The following NIPBL variants were observed in gnomAD, a reference collection of about 807,000 sequenced individuals.
NIPBL encodes the protein NIPBL cohesin loading factor, also known as nipped-B-like protein.
In NIPBL, 19 loss-of-function variants were observed where a neutral mutation model predicts 321.8. The ratio of observed to expected loss-of-function variants is 0.06; its 90% CI spans 0.04 to 0.09. NIPBL has a LOEUF of 0.09. Among genes scored for constraint, NIPBL ranks in the 10% least tolerant of loss-of-function variants. The pLI, the probability that NIPBL is intolerant of heterozygous loss-of-function variation, is 1.00. For synonymous variants in NIPBL, 1,106 were observed against 1,114.1 expected (o/e 0.99, Z 0.14); for missense variants, 2,210 against 3,327.0 (o/e 0.66, Z 8.26).
intron 42 of NIPBL, among the ~76,000 whole-genome samples, chr5:37,055,147 G>A (rs140357973): frequency 0.013 from 1,915 of 152,156 alleles, 49 homozygotes; most frequent in African/African-American, 0.045. Flanking sequence ...TCAGGAGTTC[G>A]AGAACAGCCT....
intron 11 of NIPBL, 103 bp from the exon 12 acceptor site, chr5:37,000,270 A>G: frequency 3.7e-6 from 4 of 1,093,116 alleles, no homozygotes; most frequent in Non-Finnish European, 4.0e-6. Context: ...CCTAGACCCT[A>G]TGGAATGAAG....
rs1046531046 is a variant in NIPBL, at chr5:37,066,209, T to A, written c.*1317T>A. On this transcript the variant is annotated 3_prime_UTR_variant, in exon 47 of 47. Coordinates refer to ENST00000282516, the MANE Select transcript of NIPBL (RefSeq NM_133433.4). ...GTTGACACTCAGGAATAGTAATGCC[T>A]AAAATTTACAGTGGATGAGGTCTGT... The A allele has an allele frequency of 2.0e-5, 3 of 152,196 alleles. No homozygotes were observed. Among genetic ancestry groups the A allele is most frequent in the African/African-American group, 7.2e-5 (3 of 41,468 alleles). 9.4% of individuals were successfully genotyped at this position (152,196 alleles called of 1,614,324 possible).
chr5:36,920,029 C>T (rs1309662764), intron 1 of NIPBL, among the ~76,000 whole-genome samples: 1 of 151,808 alleles, frequency 6.6e-6, no homozygotes, highest in Non-Finnish European at 1.5e-5. Context: ...TAGTATTTTG[C>T]CATTTTCAGG....
rs957118631 is a variant in NIPBL at position 37,007,001 on chromosome 5, C to T, written c.4088-322C>T. Reference sequence around the variant, plus strand: ...TATAGTTCCTGAATAATGAACTTGACGATCTATTGTATAACTGCAAATTAA... The same window carrying T: ...TATAGTTCCTGAATAATGAACTTGATGATCTATTGTATAACTGCAAATTAA... On this transcript the variant is annotated intron_variant, in intron 17 of 46. Transcript: ENST00000282516. Among the ~76,000 whole-genome samples, 3 of 151,814 alleles carry T rather than the reference C, an allele frequency of 2.0e-5. No individual in the cohort carries two copies. The South Asian group carries it at 6.2e-4, about 32-fold the overall frequency.
chr5:36,983,715 C>G (rs1240597553), intron 9 of NIPBL, among the ~76,000 whole-genome samples: 3 of 151,986 alleles, frequency 2.0e-5, no homozygotes, highest in Non-Finnish European at 4.4e-5. Context: ...TAGAAAATGA[C>G]TAGCTCCCTC....
At chr5:37,003,724 A>C (rs1747092201) in intron 16 of NIPBL, among the ~76,000 whole-genome samples, 1 of 152,166 alleles carries the variant, frequency 6.6e-6, no homozygotes, top group South Asian at 2.1e-4. Context: ...CATTTCGTTA[A>C]TTTGAGCATG....
In NIPBL at chr5:36,944,448, A is replaced by G. The variant is rs1169710620; in HGVS notation, c.-79-9170A>G. 3.3e-5 allele frequency among the ~76,000 whole-genome samples: 5 copies of G among 152,296 alleles called. 1 individual carries two copies. The East Asian group carries it at 9.6e-4, about 29-fold the overall frequency. On this transcript the variant is annotated intron_variant, in intron 1 of 46. Transcript: ENST00000282516. ...ATGTTTTCGTACTAGATTGTCTTGAAGAACTGAAGATCAAAAATCAAAGTA... is the reference window on the plus strand; with the variant it reads ...ATGTTTTCGTACTAGATTGTCTTGAGGAACTGAAGATCAAAAATCAAAGTA...
chr5:36,952,060 G>A (rs1340121390), intron 1 of NIPBL, among the ~76,000 whole-genome samples: 3 of 113,174 alleles, frequency 2.7e-5, no homozygotes, highest in African/African-American at 9.0e-5. Context: ...GTGTGCGCGC[G>A]CGCGCGCGCG....
At chr5:36,957,757 C>A (rs756724255) in intron 3 of NIPBL, among the ~76,000 whole-genome samples, 2 of 149,114 alleles carry the variant, frequency 1.3e-5, no homozygotes, top group African/African-American at 5.2e-5. Context: ...CCGAGGCGGG[C>A]AGACCATCTG....
At chr5:36,909,779 A>G (rs183804764) in intron 1 of NIPBL, among the ~76,000 whole-genome samples, 1 of 152,244 alleles carries the variant, frequency 6.6e-6, no homozygotes, top group African/African-American at 2.4e-5. Flanking sequence ...TTATTAAAGG[A>G]AAAAAAGAAC....
At chr5:36,878,664 A>C (rs1475853004) in intron 1 of NIPBL, among the ~76,000 whole-genome samples, 2 of 152,172 alleles carry the variant, frequency 1.3e-5, no homozygotes, top group African/African-American at 4.8e-5. Context: ...GTTATTTTTG[A>C]GTTTAGCGTC....
chr5:36,932,220 G>A lies in NIPBL; in HGVS notation c.-79-21398G>A, dbSNP rs192204846. Among the ~76,000 whole-genome samples, 509 of 152,228 alleles carry A rather than the reference G, an allele frequency of 3.3e-3. 2 individuals carry two copies. Among genetic ancestry groups the A allele is most frequent in the African/African-American group, 0.012 (488 of 41,550 alleles). On this transcript the variant is annotated intron_variant, in intron 1 of 46. Coordinates refer to ENST00000282516, the MANE Select transcript of NIPBL (RefSeq NM_133433.4). ...GCTTAAAAGGCATTGAGTATTCTGT[G>A]GTCTTTGGGTGGAGTGTTCTGTAAA... is the stretch of plus-strand genomic sequence containing the variant.
chr5:36,976,625 G>T (rs1020880407), intron 9 of NIPBL, among the ~76,000 whole-genome samples: 3 of 151,920 alleles, frequency 2.0e-5, no homozygotes, highest in Non-Finnish European at 2.9e-5. Context: ...TCTACTACAG[G>T]TCTGTTACTC....
intron 44 of NIPBL, 80 bp from the exon 45 acceptor site, chr5:37,060,764 G>T: frequency 8.4e-7 from 1 of 1,197,194 alleles, no homozygotes; most frequent in Non-Finnish European, 1.2e-6. Flanking sequence ...TTAATATGGT[G>T]CTTCCTACCT....
chr5:36,912,132 C>T (rs1048962375), intron 1 of NIPBL, among the ~76,000 whole-genome samples: 4 of 152,032 alleles, frequency 2.6e-5, no homozygotes, highest in Admixed American at 1.3e-4. Flanking sequence ...AATCTTAGAG[C>T]AGAGGCAGTA....
intron 33 of NIPBL, among the ~76,000 whole-genome samples, chr5:37,037,937 A>G (rs1040043753): frequency 6.7e-6 from 1 of 149,758 alleles, no homozygotes; most frequent in African/African-American, 2.5e-5. Context: ...GTACCCTTAA[A>G]CACAGTTTCA....
At chr5:36,912,553 T>C (rs951003220) in intron 1 of NIPBL, among the ~76,000 whole-genome samples, 2 of 149,710 alleles carry the variant, frequency 1.3e-5, no homozygotes, top group Non-Finnish European at 3.0e-5. Flanking sequence ...CAGGCTGGAG[T>C]GCAGTGGCAG....
rs1752747597 is a variant in NIPBL at position 37,044,225 on chromosome 5, T to C, written c.6109-122T>C. On this transcript the variant is annotated intron_variant, in intron 34 of 46. Transcript: ENST00000282516. ...CCTTGAAAAAAAAACTCTAACAGACTTTTTTTTTTAACTGGACCTTTACGT... is the reference window on the plus strand; with the variant it reads ...CCTTGAAAAAAAAACTCTAACAGACCTTTTTTTTTAACTGGACCTTTACGT... The C allele has an allele frequency of 1.7e-5, 10 of 584,020 alleles. No homozygotes were observed. In the South Asian group the frequency reaches 2.8e-4, roughly 16 times the overall value. The allele number at this position is 584,020 out of a possible 1,614,324, so 36.2% of individuals were successfully genotyped here.
intron 1 of NIPBL, among the ~76,000 whole-genome samples, chr5:36,893,628 T>G (rs1308886660): frequency 2.6e-5 from 4 of 152,156 alleles, no homozygotes; most frequent in African/African-American, 9.7e-5. Flanking sequence ...ATACTAGATA[T>G]TTGATATGGA....
Sources: gnomAD v4.1 joint callset for allele counts (sites outside exome capture counted in the v4.1 genomes callset) on GRCh38, gnomAD v4.1.1 for gene constraint, MANE v1.5 for transcripts, NCBI Gene and HGNC (gene_info 2026-07-23, HGNC 2026-07-21) for gene names.